The following LRCOL1 variants were observed in gnomAD, a reference collection of about 807,000 sequenced individuals.
LRCOL1 encodes leucine rich colipase like 1, also known as leucine-rich colipase-like protein 1.
Under a neutral mutation model 21.6 loss-of-function variants are expected in LRCOL1, and 21 were observed. That is an observed-to-expected ratio of 0.97 (90% CI 0.69 to 1.40). The LOEUF is 1.40. Ranked by LOEUF, LRCOL1 falls within the 40% of genes most tolerant of loss-of-function variation. The pLI, the probability that LRCOL1 is intolerant of heterozygous loss-of-function variation, is 0.00. For missense variants in LRCOL1, 198 were observed against 202.3 expected, an observed-to-expected ratio of 0.98 and a Z score of 0.13; for synonymous variants, 98 against 90.1, an observed-to-expected ratio of 1.09 and a Z score of -0.49.
chr12:132,604,727 C>A lies in LRCOL1; in HGVS notation c.210G>T (p.Leu70=). 2.0e-6 allele frequency: 3 copies of A among 1,536,230 alleles called. No homozygotes were observed. Among genetic ancestry groups the A allele is most frequent in the South Asian group, 1.2e-5 (1 of 84,066 alleles). The change falls in exon 3 of 6, where the codon CTG becomes CTT. Residue 70 remains leucine (L), a synonymous_variant. Coordinates refer to ENST00000376608, the MANE Select transcript of LRCOL1 (RefSeq NM_001195520.2). ...TCACCTTCCTCCAGGGCAGGCACTG[C>A]AGGAAGATGGTCTTAGGGGTGCAGA... ...HTLCTPKTIF[L]QCLPWRKPNG...
chr12:132,605,068 G>A, intron 2 of LRCOL1: 3 of 1,344,130 alleles, frequency 2.2e-6, no homozygotes, highest in Non-Finnish European at 2.9e-6. Context: ...GGTAAACCAA[G>A]GCACTGAGGG....
At position 132,606,072 on chromosome 12, in the gene LRCOL1, G is replaced by T; in HGVS notation, c.105+75C>A. On this transcript the variant is annotated intron_variant, in intron 2 of 5. Coordinates refer to ENST00000376608, the MANE Select transcript of LRCOL1 (RefSeq NM_001195520.2). This position sits in a 1 kb window ranked among gnomAD's most constrained non-coding sequence, Gnocchi z 4.6. ...GCCCTCGCGGGTGGGGACTGCAAGG[G>T]CCTCAGGGGCGCCCGGCACCCACCT... The T allele has an allele frequency of 1.4e-6, 2 of 1,416,664 alleles. No homozygotes were observed. Among genetic ancestry groups the T allele is most frequent in the Non-Finnish European group, 9.6e-7 (1 of 1,042,134 alleles). The allele number at this position is 1,416,664 out of a possible 1,614,324, so 87.8% of individuals were successfully genotyped here. A position where few individuals can be genotyped will look rare whatever the true frequency, so the allele number is the denominator to read the frequency against.
chr12:132,603,438 G>A (rs768187570), intron 5 of LRCOL1, 34 bp from the exon 6 acceptor site: 1 of 1,536,190 alleles, frequency 6.5e-7, no homozygotes, highest in South Asian at 1.2e-5. Context: ...GAAACGTGCA[G>A]GGGACGGGCC....
chr12:132,605,085 T>A, intron 2 of LRCOL1: 1 of 1,311,226 alleles, frequency 7.6e-7, no homozygotes, highest in East Asian at 3.4e-5. Context: ...AGGGCAAGGA[T>A]GCAGCAGCAG....
chr12:132,603,771 G>A, intron 5 of LRCOL1: 1 of 985,410 alleles, frequency 1.0e-6, no homozygotes, highest in Non-Finnish European at 1.2e-6. Flanking sequence ...TGGCGACCTG[G>A]CCCCCTCCCC....
At position 132,604,235 on chromosome 12, in the gene LRCOL1, G is replaced by GC; in HGVS notation, c.477+18dup. On this transcript the variant is annotated intron_variant, in intron 5 of 5. Coordinates refer to ENST00000376608, the MANE Select transcript of LRCOL1 (RefSeq NM_001195520.2). ...GGCCAAGGGAGGGCCTGGAGGCTGA[G>GC]CCCCCGCCCGGGACTTACCAGGGGC... The GC allele has an allele frequency of 6.6e-7, 1 of 1,520,880 alleles. No individual in the cohort carries two copies. 94.2% of individuals were successfully genotyped at this position (1,520,880 alleles called of 1,614,324 possible).
chr12:132,608,151 G>A (rs1401084163), intron 1 of LRCOL1, among the ~76,000 whole-genome samples: 4 of 152,186 alleles, frequency 2.6e-5, no homozygotes, highest in Non-Finnish European at 4.4e-5. Context: ...TGGGGAAGCC[G>A]CAGCAGATCA....
chr12:132,606,203 G>T lies in LRCOL1; in HGVS notation c.49C>A (p.Leu17Met). The change falls in exon 2 of 6, where the codon CTG (leucine) becomes ATG (methionine). Residue 17 changes from leucine to methionine, a missense_variant. Leu to Met is a conservative substitution (Grantham distance 15). Coordinates refer to ENST00000376608, the MANE Select transcript of LRCOL1 (RefSeq NM_001195520.2). This position sits in a 1 kb window ranked among gnomAD's most constrained non-coding sequence, Gnocchi z 4.6. ...CCATACCCTGCCATGGACCCCAGCA[G>T]CAGCAGCAGCAGCAGCAGTAGCAGC... is the stretch of plus-strand genomic sequence containing the variant. ...TLLLLLLLLL[L>M]LGSMAGYGPQ... 1 of 1,510,768 alleles carries T rather than the reference G, an allele frequency of 6.6e-7. No individual in the cohort carries two copies. Among genetic ancestry groups the T allele is most frequent in the Non-Finnish European group, 8.9e-7 (1 of 1,125,016 alleles). The allele number at this position is 1,510,768 out of a possible 1,614,324, so 93.6% of individuals were successfully genotyped here.
In LRCOL1 at chr12:132,603,312, C is replaced by A; in HGVS notation, c.*90G>T. 1 of 1,514,972 alleles carries A rather than the reference C, an allele frequency of 6.6e-7. No homozygotes were observed. The highest frequency in any genetic ancestry group is 1.7e-4 in the Middle Eastern group (1 of 5,934). 93.8% of individuals were successfully genotyped at this position (1,514,972 alleles called of 1,614,324 possible). ...ACAGCAGCACAAACCGTAAGGGAAG[C>A]TTCCGCTGGAACCAGCCCCCGCGCA... On this transcript the variant is annotated 3_prime_UTR_variant, in exon 6 of 6. Transcript: ENST00000376608.
Position 132,610,469 on chromosome 12 carries a change from C to T in LRCOL1, c.-160G>A, listed in dbSNP as rs2041358037. ...TACGCTGGGCACAGTCGCAGCCCCGCCTCTTCCTTCTCCGTCTTGTTCCCT... is the reference window on the plus strand; with the variant it reads ...TACGCTGGGCACAGTCGCAGCCCCGTCTCTTCCTTCTCCGTCTTGTTCCCT... On this transcript the variant is annotated 5_prime_UTR_variant, in exon 1 of 6. Coordinates refer to ENST00000376608, the MANE Select transcript of LRCOL1 (RefSeq NM_001195520.2). 1 of 152,624 alleles carries T rather than the reference C, an allele frequency of 6.6e-6. No individual in the cohort carries two copies. Among genetic ancestry groups the T allele is most frequent in the African/African-American group, 2.4e-5 (1 of 41,442 alleles). 9.5% of individuals were successfully genotyped at this position (152,624 alleles called of 1,614,324 possible).
chr12:132,606,057 G>T lies in LRCOL1; in HGVS notation c.105+90C>A. On this transcript the variant is annotated intron_variant, in intron 2 of 5. Transcript: ENST00000376608. The surrounding 1 kb of genome is among the most constrained non-coding windows in gnomAD (Gnocchi z 4.6). ...TGACGGAAAGTGGCAGCCCTCGCGGGTGGGGACTGCAAGGGCCTCAGGGGC... is the reference window on the plus strand; with the variant it reads ...TGACGGAAAGTGGCAGCCCTCGCGGTTGGGGACTGCAAGGGCCTCAGGGGC... The T allele has an allele frequency of 8.1e-7, 1 of 1,237,350 alleles. No homozygotes were observed. The highest frequency in any genetic ancestry group is 1.3e-5 in the South Asian group (1 of 75,740). 76.6% of individuals were successfully genotyped at this position (1,237,350 alleles called of 1,614,324 possible).
rs1247606026 is a variant in LRCOL1 at position 132,606,190 on chromosome 12, A to G, written c.62T>C (p.Met21Thr). The change falls in exon 2 of 6, where the codon ATG (methionine) becomes ACG (threonine). Residue 21 changes from methionine to threonine, a missense_variant. By Grantham distance (81) the Met-to-Thr change is moderately conservative. Transcript: ENST00000376608. The surrounding 1 kb of genome is among the most constrained non-coding windows in gnomAD (Gnocchi z 4.6). ...CTTCTTCTGTGGCCCATACCCTGCC[A>G]TGGACCCCAGCAGCAGCAGCAGCAG... The part of the protein sequence containing the change: ...LLLLLLLLGS[M>T]AGYGPQKKLN... The G allele has an allele frequency of 1.7e-5, 26 of 1,536,518 alleles. No individual in the cohort carries two copies. The highest frequency in any genetic ancestry group is 2.0e-5 in the Admixed American group (1 of 50,978).
intron 5 of LRCOL1, 73 bp from the exon 6 acceptor site, chr12:132,603,477 AC>A (rs2041252914): frequency 6.5e-7 from 1 of 1,535,062 alleles, no homozygotes; most frequent in Non-Finnish European, 8.7e-7. Flanking sequence ...GAGGACGGGA[AC>A]CCGGGGCCAC....
At chr12:132,608,362 C>T (rs2041338471) in intron 1 of LRCOL1, among the ~76,000 whole-genome samples, 1 of 152,246 alleles carries the variant, frequency 6.6e-6, no homozygotes, top group Admixed American at 6.5e-5. Flanking sequence ...TTTCCTGCCA[C>T]TGCGTGAGCA....
At chr12:132,603,561 G>A in intron 5 of LRCOL1, 157 bp from the exon 6 acceptor site, 3 of 985,360 alleles carry the variant, frequency 3.0e-6, no homozygotes, top group Non-Finnish European at 3.6e-6. Flanking sequence ...CAGCTCGCGA[G>A]AGGGACGCCC....
intron 1 of LRCOL1, among the ~76,000 whole-genome samples, chr12:132,607,665 CTCTT>C (rs1459010959): frequency 1.1e-4 from 16 of 151,796 alleles, no homozygotes; most frequent in African/African-American, 3.9e-4. Flanking sequence ...CTGTCTCTGT[CTCTT>C]TCTGTCTCTG....
At chr12:132,605,260 A>C (rs2138304926) in intron 2 of LRCOL1, 3 of 369,920 alleles carry the variant, frequency 8.1e-6, no homozygotes, top group Non-Finnish European at 1.1e-5. Context: ...CCCCACCCAC[A>C]CACACGCAAG....
In LRCOL1 at chr12:132,604,850, G is replaced by A. The variant is rs1480418874; in HGVS notation, c.106-19C>T. The A allele has an allele frequency of 1.0e-5, 16 of 1,535,082 alleles. No homozygotes were observed. The highest frequency in any genetic ancestry group is 1.4e-5 in the African/African-American group (1 of 73,012). On this transcript the variant is annotated intron_variant, in intron 2 of 5. Coordinates refer to ENST00000376608, the MANE Select transcript of LRCOL1 (RefSeq NM_001195520.2). ...CGATGCCCTGAAACACCACTCACCA[G>A]CTCGCTCACCTGTTCCTGGGCAGGG... is the stretch of plus-strand genomic sequence containing the variant.
chr12:132,606,799 C>T lies in LRCOL1; in HGVS notation c.-13-535G>A, dbSNP rs1188286407. The stretch of plus-strand genomic sequence containing the variant: ...GGTTGGAATCGGTCTGTAGCCTTTT[C>T]GGGTTGGCTTATTTCACTAAGTGCC... On this transcript the variant is annotated intron_variant, in intron 1 of 5. Transcript: ENST00000376608. This position sits in a 1 kb window ranked among gnomAD's most constrained non-coding sequence, Gnocchi z 4.6. 3.3e-5 allele frequency among the ~76,000 whole-genome samples: 5 copies of T among 152,078 alleles called. No individual in the cohort carries two copies. Among genetic ancestry groups the T allele is most frequent in the East Asian group, 1.9e-4 (1 of 5,180 alleles).
Sources: allele counts gnomAD v4.1 joint callset (sites outside exome capture counted in the v4.1 genomes callset), GRCh38; gene constraint gnomAD v4.1.1; non-coding constraint Gnocchi (gnomAD v3.1); transcripts MANE v1.5; gene names NCBI Gene and HGNC (gene_info 2026-07-23, HGNC 2026-07-21).